The following GALNTL6 variants were observed in gnomAD, a reference collection of about 807,000 sequenced individuals.
The protein encoded by GALNTL6 is polypeptide N-acetylgalactosaminyltransferase like 6, also known as polypeptide N-acetylgalactosaminyltransferase-like 6.
GALNTL6 carries 46 observed loss-of-function variants against 73.7 expected under a neutral mutation model. That is an observed-to-expected ratio of 0.62 (90% CI 0.49 to 0.80). GALNTL6 has a LOEUF of 0.80. GALNTL6 is among the 30% of genes least tolerant of loss of function. GALNTL6 has a pLI of 0.00. For synonymous variants in GALNTL6, 259 were observed against 263.7 expected (o/e 0.98, Z 0.17); for missense variants, 604 against 755.0 (o/e 0.80, Z 2.34).
At chr4:171,925,920 G>A (rs1737965381) in intron 2 of GALNTL6, among the ~76,000 whole-genome samples, 1 of 151,856 alleles carries the variant, frequency 6.6e-6, no homozygotes. Flanking sequence ...TACACTTCCA[G>A]CATTTATGTG....
chr4:172,867,372 G>C (rs1051252815), intron 7 of GALNTL6, among the ~76,000 whole-genome samples: 1 of 152,212 alleles, frequency 6.6e-6, no homozygotes, highest in Admixed American at 6.5e-5. Context: ...TTAGAGGACA[G>C]AGGTGGGACA....
At chr4:173,015,933 C>T (rs1453915692) in intron 11 of GALNTL6, among the ~76,000 whole-genome samples, 3 of 152,348 alleles carry the variant, frequency 2.0e-5, no homozygotes, top group Admixed American at 2.0e-4. Flanking sequence ...CCCAGGGCCC[C>T]CTGCTCTGTG....
At chr4:172,905,308 G>A (rs1334844065) in intron 8 of GALNTL6, among the ~76,000 whole-genome samples, 1 of 152,026 alleles carries the variant, frequency 6.6e-6, no homozygotes, top group African/African-American at 2.4e-5. Flanking sequence ...ATTAAAAAGT[G>A]GCTACTGCTA....
chr4:172,235,227 A>G (rs529916208), intron 3 of GALNTL6, among the ~76,000 whole-genome samples: 1 of 151,368 alleles, frequency 6.6e-6, no homozygotes, highest in South Asian at 2.1e-4. Flanking sequence ...TGTTTGTTTG[A>G]GATAGAATTT....
chr4:172,267,385 T>A (rs2111049095), intron 3 of GALNTL6, among the ~76,000 whole-genome samples: 1 of 152,234 alleles, frequency 6.6e-6, no homozygotes. Context: ...GTCCAGAGTT[T>A]GTAGAGGAAA....
At chr4:173,014,222 T>G (rs1169571135) in intron 11 of GALNTL6, among the ~76,000 whole-genome samples, 1 of 152,236 alleles carries the variant, frequency 6.6e-6, no homozygotes, top group Non-Finnish European at 1.5e-5. Flanking sequence ...GCCAGGGCAA[T>G]CTGCATAGCT....
chr4:172,392,824 T>A (rs899609727), intron 5 of GALNTL6, among the ~76,000 whole-genome samples: 8 of 152,152 alleles, frequency 5.3e-5, no homozygotes, highest in Non-Finnish European at 1.0e-4. Context: ...TTCCCATACA[T>A]GAAATGAGGA....
chr4:172,008,976 A>C, intron 2 of GALNTL6, among the ~76,000 whole-genome samples: 1 of 152,138 alleles, frequency 6.6e-6, no homozygotes, highest in East Asian at 1.9e-4. Context: ...AAAAGGAAGG[A>C]AAGAAAGTGA....
chr4:172,308,900 T>A (rs2654781), intron 3 of GALNTL6, among the ~76,000 whole-genome samples: 122,211 of 151,720 alleles, frequency 0.81, 49,796 homozygotes, highest in Non-Finnish European at 0.87. Context: ...CGTAACTGTG[T>A]TGGGTTAAAA....
rs954926151 is a variant in GALNTL6 at position 171,825,118 on chromosome 4, T to G, written c.138+10400T>G. On this transcript the variant is annotated intron_variant, in intron 2 of 12. Coordinates refer to ENST00000506823, the MANE Select transcript of GALNTL6 (RefSeq NM_001034845.3). ...CTTTTAAATTGTGTCATTAAATCAGTCTAGTTGCCAAAGACAATTCTCAAA... is the reference window on the plus strand; with the variant it reads ...CTTTTAAATTGTGTCATTAAATCAGGCTAGTTGCCAAAGACAATTCTCAAA... 2.6e-5 allele frequency among the ~76,000 whole-genome samples: 4 copies of G among 152,254 alleles called. No homozygotes were observed. The East Asian group carries it at 7.7e-4, about 29-fold the overall frequency.
chr4:171,970,376 C>A (rs1360816337), intron 2 of GALNTL6, among the ~76,000 whole-genome samples: 3 of 152,132 alleles, frequency 2.0e-5, no homozygotes, highest in Non-Finnish European at 4.4e-5. Context: ...AAGTTTTGTA[C>A]TTTAGTAAGG....
At chr4:171,825,406 T>C (rs780592866) in intron 2 of GALNTL6, among the ~76,000 whole-genome samples, 3 of 152,138 alleles carry the variant, frequency 2.0e-5, no homozygotes, top group Non-Finnish European at 4.4e-5. Flanking sequence ...TTCTGTTCCC[T>C]AGCCGAGTGA....
At chr4:172,423,346 A>G (rs1374972690) in intron 5 of GALNTL6, among the ~76,000 whole-genome samples, 2 of 151,976 alleles carry the variant, frequency 1.3e-5, no homozygotes, top group South Asian at 2.1e-4. Context: ...ATGGTGATCC[A>G]TTTGGCATTA....
intron 2 of GALNTL6, among the ~76,000 whole-genome samples, chr4:172,016,920 T>C (rs1253064013): frequency 1.3e-5 from 2 of 152,266 alleles, no homozygotes; most frequent in African/African-American, 4.8e-5. Context: ...ATATTCTTGA[T>C]GTGTGGTCAC....
chr4:172,970,120 G>A (rs937566858), intron 10 of GALNTL6, among the ~76,000 whole-genome samples: 1 of 152,110 alleles, frequency 6.6e-6, no homozygotes, highest in Admixed American at 6.6e-5. Flanking sequence ...GGGCAAAAAA[G>A]GAGAACAAAG....
chr4:172,533,792 A>G (rs1373772533), intron 5 of GALNTL6, among the ~76,000 whole-genome samples: 2 of 152,198 alleles, frequency 1.3e-5, no homozygotes, highest in East Asian at 1.9e-4. Flanking sequence ...CCAAGATCCC[A>G]AGAGATTATA....
intron 2 of GALNTL6, among the ~76,000 whole-genome samples, chr4:171,985,744 A>T (rs1257715141): frequency 2.6e-5 from 4 of 151,256 alleles, no homozygotes; most frequent in Non-Finnish European, 5.9e-5. Flanking sequence ...ATAAAATTAT[A>T]TATATATATA....
chr4:172,058,132 T>TTTTGC (rs1238669253), intron 2 of GALNTL6, among the ~76,000 whole-genome samples: 2 of 151,406 alleles, frequency 1.3e-5, no homozygotes, highest in African/African-American at 4.9e-5. Context: ...TTTTGTTTTG[T>TTTTGC]TTTGTTTTGT....
intron 2 of GALNTL6, among the ~76,000 whole-genome samples, chr4:172,171,297 A>C (rs10010278): frequency 6.6e-6 from 1 of 152,194 alleles, no homozygotes; most frequent in African/African-American, 2.4e-5. Context: ...AATATCCTAA[A>C]AAGAATATAC....
Sources: gnomAD v4.1 joint callset for allele counts (sites outside exome capture counted in the v4.1 genomes callset) on GRCh38, gnomAD v4.1.1 for gene constraint, MANE v1.5 for transcripts, NCBI Gene and HGNC (gene_info 2026-07-23, HGNC 2026-07-21) for gene names.